Variants in PNKD observed in about 807,000 individuals in gnomAD.
PNKD encodes PNKD metallo-beta-lactamase domain containing, also known as probable thioesterase PNKD.
PNKD carries 36 observed loss-of-function variants against 45.3 expected under a neutral mutation model. The observed-to-expected ratio is 0.80, with a 90% CI of 0.61 to 1.05. PNKD has a LOEUF of 1.05. Ranked by LOEUF, PNKD falls within the 50% of genes least tolerant of loss-of-function variation. The pLI, the probability that PNKD is intolerant of heterozygous loss-of-function variation, is 0.00. For synonymous variants in PNKD, 197 were observed against 210.1 expected (o/e 0.94, Z 0.54); for missense variants, 511 against 506.6 (o/e 1.01, Z -0.08).
chr2:218,281,658 G>A (rs1042456094), intron 2 of PNKD, among the ~76,000 whole-genome samples: 3 of 152,170 alleles, frequency 2.0e-5, no homozygotes, highest in African/African-American at 7.2e-5. Flanking sequence ...AACCCCTCAG[G>A]AGTCATTACT....
intron 7 of PNKD, among the ~76,000 whole-genome samples, chr2:218,343,245 G>A (rs534393306): frequency 1.8e-4 from 27 of 152,342 alleles, no homozygotes; most frequent in East Asian, 5.8e-4. Context: ...CCTGCAGCCC[G>A]AAGATTCCAC....
chr2:218,308,468 C>T (rs370141866), intron 2 of PNKD, among the ~76,000 whole-genome samples: 110 of 151,342 alleles, frequency 7.3e-4, no homozygotes, highest in African/African-American at 2.4e-3. Context: ...ATTACAGGCA[C>T]GAGCCACCGT....
intron 2 of PNKD, chr2:218,281,956 C>T (rs369968603): frequency 2.6e-5 from 41 of 1,598,562 alleles, no homozygotes; most frequent in Admixed American, 3.4e-5. Flanking sequence ...TCATGGGCAT[C>T]GGGTGGGTGG....
chr2:218,329,296 C>T (rs1232459020), intron 2 of PNKD, among the ~76,000 whole-genome samples: 8 of 152,230 alleles, frequency 5.3e-5, no homozygotes, highest in Non-Finnish European at 1.2e-4. Flanking sequence ...CTCTGGGACC[C>T]TCAGGCCTAG....
chr2:218,281,982 G>C, intron 2 of PNKD: 7 of 1,606,360 alleles, frequency 4.4e-6, no homozygotes, highest in Non-Finnish European at 5.9e-6. Flanking sequence ...ATGGGCTGTG[G>C]GTAGCCAGCA....
intron 2 of PNKD, among the ~76,000 whole-genome samples, chr2:218,335,467 G>A (rs899308883): frequency 6.6e-6 from 1 of 151,962 alleles, no homozygotes; most frequent in African/African-American, 2.4e-5. Flanking sequence ...GGCAACAAGA[G>A]TGAAACTCCA....
chr2:218,270,672 TAGC>T, intron 1 of PNKD, 70 bp downstream of exon 1: 1 of 472,280 alleles, frequency 2.1e-6, no homozygotes, highest in Non-Finnish European at 3.6e-6. Context: ...AGCCCGACGA[TAGC>T]AGGAGGTCAG....
chr2:218,277,352 C>G (rs1691326822), intron 2 of PNKD: 1 of 1,611,612 alleles, frequency 6.2e-7, no homozygotes, highest in South Asian at 1.1e-5. Context: ...GGGAAGGGCC[C>G]TCCATGCCCT....
chr2:218,276,344 G>GA (rs1208753701), intron 2 of PNKD, among the ~76,000 whole-genome samples: 2 of 152,094 alleles, frequency 1.3e-5, no homozygotes, highest in East Asian at 3.8e-4. Context: ...TATACTTCTA[G>GA]AAAAAAAGCA....
At chr2:218,275,307 C>T in intron 2 of PNKD, 1 of 828,136 alleles carries the variant, frequency 1.2e-6, no homozygotes, top group Non-Finnish European at 1.7e-6. Context: ...CACCAAGTAC[C>T]CACACATCCA....
chr2:218,343,634 C>G, intron 8 of PNKD, 48 bp downstream of exon 8: 1 of 1,434,056 alleles, frequency 7.0e-7, no homozygotes, highest in Non-Finnish European at 9.6e-7. Context: ...CACGCTCAGC[C>G]TGGGACAAGG....
intron 2 of PNKD, chr2:218,279,422 C>G: frequency 2.1e-6 from 3 of 1,426,304 alleles, no homozygotes; most frequent in Non-Finnish European, 2.8e-6. Flanking sequence ...GCTGCCAGCC[C>G]CCAGTACTTT....
chr2:218,328,569 G>A (rs1213444728), intron 2 of PNKD, among the ~76,000 whole-genome samples: 1 of 152,130 alleles, frequency 6.6e-6, no homozygotes, highest in Non-Finnish European at 1.5e-5. Context: ...CTTACTAAAT[G>A]CCTCTGAATG....
intron 2 of PNKD, among the ~76,000 whole-genome samples, chr2:218,276,588 C>T (rs887257062): frequency 1.3e-5 from 2 of 152,168 alleles, no homozygotes; most frequent in Non-Finnish European, 2.9e-5. Flanking sequence ...CCTTCCCCTT[C>T]GGCACTGTTC....
At position 218,342,151 on chromosome 2, in the gene PNKD, T is replaced by C; in HGVS notation, c.781+7T>C. On this transcript the variant is annotated splice_region_variant and intron_variant, in intron 7 of 9. Transcript: ENST00000273077. ...CTCTTCCTCTCTGGCTGTGGTGAGT[T>C]TCCCCGAAAGAGAGAGGAGCTGGGA... is the stretch of plus-strand genomic sequence containing the variant. The C allele has an allele frequency of 1.2e-6, 2 of 1,611,574 alleles. No individual in the cohort carries two copies. Among genetic ancestry groups the C allele is most frequent in the East Asian group, 2.2e-5 (1 of 44,864 alleles).
intron 2 of PNKD, among the ~76,000 whole-genome samples, chr2:218,339,565 C>A (rs983679750): frequency 2.0e-5 from 3 of 152,038 alleles, no homozygotes; most frequent in Non-Finnish European, 4.4e-5. Context: ...TTCATGTCTC[C>A]CTGATAGATT....
At chr2:218,343,197 C>A (rs563604558) in intron 7 of PNKD, among the ~76,000 whole-genome samples, 1 of 152,204 alleles carries the variant, frequency 6.6e-6, no homozygotes, top group Non-Finnish European at 1.5e-5. Context: ...AGAAGTGTTC[C>A]GTGGGAAAGA....
At chr2:218,287,710 C>CA (rs1381874867) in intron 2 of PNKD, among the ~76,000 whole-genome samples, 25 of 150,450 alleles carry the variant, frequency 1.7e-4, no homozygotes, top group Non-Finnish European at 2.7e-4. Context: ...AACCCCATCT[C>CA]AAAAAAAAAG....
intron 2 of PNKD, among the ~76,000 whole-genome samples, chr2:218,284,633 A>G (rs1170931353): frequency 6.6e-6 from 1 of 152,224 alleles, no homozygotes; most frequent in Non-Finnish European, 1.5e-5. Flanking sequence ...TGCACACAGC[A>G]GTTTCCAGGC....
Sources: allele counts gnomAD v4.1 joint callset (sites outside exome capture counted in the v4.1 genomes callset), GRCh38; gene constraint gnomAD v4.1.1; transcripts MANE v1.5; gene names NCBI Gene and HGNC (gene_info 2026-07-23, HGNC 2026-07-21).